Variants in TMEM38B observed in about 807,000 individuals in gnomAD.
The protein encoded by TMEM38B is transmembrane protein 38B, also known as trimeric intracellular cation channel type B.
Under a neutral mutation model 28.7 loss-of-function variants are expected in TMEM38B, and 24 were observed. That is an observed-to-expected ratio of 0.84 (90% CI 0.61 to 1.18). The LOEUF (loss-of-function observed/expected upper bound fraction) is 1.18, where lower values mean the gene tolerates loss of function less well. Ranked by LOEUF, TMEM38B falls within the 50% of genes most tolerant of loss-of-function variation. The pLI is 0.00. For missense variants in TMEM38B, 380 were observed against 350.9 expected, an observed-to-expected ratio of 1.08 and a Z score of -0.66; for synonymous variants, 131 against 127.7, an observed-to-expected ratio of 1.03 and a Z score of -0.17.
At chr9:105,772,312 C>A (rs1826573942) in intron 5 of TMEM38B, among the ~76,000 whole-genome samples, 1 of 152,140 alleles carries the variant, frequency 6.6e-6, no homozygotes, top group South Asian at 2.1e-4. Flanking sequence ...CATGCGACAT[C>A]CTCCTCTTTG....
At chr9:105,769,403 C>G (rs1826473557) in intron 5 of TMEM38B, among the ~76,000 whole-genome samples, 1 of 152,158 alleles carries the variant, frequency 6.6e-6, no homozygotes, top group Admixed American at 6.5e-5. Context: ...GCAGCCTTGA[C>G]TTCCCAGGCT....
chr9:105,727,407 C>T (rs1014672754), intron 4 of TMEM38B, among the ~76,000 whole-genome samples: 4 of 152,234 alleles, frequency 2.6e-5, no homozygotes, highest in African/African-American at 7.2e-5. Context: ...CTTTATAAGG[C>T]TAAATAGTAT....
At chr9:105,703,735 C>A (rs1835538418) in intron 1 of TMEM38B, among the ~76,000 whole-genome samples, 1 of 151,794 alleles carries the variant, frequency 6.6e-6, no homozygotes, top group African/African-American at 2.4e-5. Context: ...TTAATGATTG[C>A]CATTCTAAGT....
rs774533828 is a variant in TMEM38B, at chr9:105,705,721, C to G, written c.237C>G (p.Asn79Lys). ...LAEPPLKFLANHTNILLASSI... is the reference protein window; with the variant it reads ...LAEPPLKFLAKHTNILLASSI... The stretch of plus-strand genomic sequence containing the variant: ...AGCCTCCATTGAAGTTTCTTGCAAA[C>G]CACACTAACATATTACTGGCATCTT... The change falls in exon 2 of 6, where the codon AAC (asparagine) becomes AAG (lysine). Residue 79 changes from asparagine (N) to lysine (K), a missense_variant. Asn to Lys is a moderately conservative substitution (Grantham distance 94). Coordinates refer to ENST00000374692, the MANE Select transcript of TMEM38B (RefSeq NM_018112.3). The G allele has an allele frequency of 6.2e-7, 1 of 1,613,786 alleles. No individual in the cohort carries two copies. The highest frequency in any genetic ancestry group is 8.5e-7 in the Non-Finnish European group (1 of 1,180,002).
chr9:105,730,253 G>T (rs1461400016), intron 4 of TMEM38B, among the ~76,000 whole-genome samples: 2 of 152,096 alleles, frequency 1.3e-5, no homozygotes, highest in Admixed American at 1.3e-4. Flanking sequence ...ATACGTTTCA[G>T]CAATACCTAG....
At chr9:105,750,885 G>T (rs1215216607) in intron 5 of TMEM38B, among the ~76,000 whole-genome samples, 1 of 152,142 alleles carries the variant, frequency 6.6e-6, no homozygotes. Flanking sequence ...ACTATTTATT[G>T]TAAAAACCGT....
At chr9:105,737,734 G>A (rs1275609420) in intron 4 of TMEM38B, among the ~76,000 whole-genome samples, 1 of 152,216 alleles carries the variant, frequency 6.6e-6, no homozygotes, top group Non-Finnish European at 1.5e-5. Flanking sequence ...TCAACTGCTT[G>A]GCTAGACCAG....
At chr9:105,713,616 T>A (rs1835987032) in intron 2 of TMEM38B, among the ~76,000 whole-genome samples, 1 of 151,996 alleles carries the variant, frequency 6.6e-6, no homozygotes, top group Admixed American at 6.5e-5. Flanking sequence ...GCCAACAGCC[T>A]GGACATGATG....
chr9:105,742,924 T>C (rs949686666), intron 4 of TMEM38B, among the ~76,000 whole-genome samples: 1 of 152,210 alleles, frequency 6.6e-6, no homozygotes, highest in Non-Finnish European at 1.5e-5. Context: ...TTGGGAATGT[T>C]GTAAAACTTT....
chr9:105,721,075 A>G (rs1398583407), intron 2 of TMEM38B, among the ~76,000 whole-genome samples: 1 of 152,146 alleles, frequency 6.6e-6, no homozygotes, highest in Non-Finnish European at 1.5e-5. Flanking sequence ...ACAGTGGGGC[A>G]CAGGTGAATA....
At chr9:105,753,601 CA>C (rs1394498931) in intron 5 of TMEM38B, among the ~76,000 whole-genome samples, 3 of 152,154 alleles carry the variant, frequency 2.0e-5, no homozygotes, top group Non-Finnish European at 4.4e-5. Flanking sequence ...AGATCCTTTT[CA>C]GACAAGCAAA....
intron 4 of TMEM38B, among the ~76,000 whole-genome samples, chr9:105,727,178 T>G (rs1433907688): frequency 6.6e-6 from 1 of 152,192 alleles, no homozygotes; most frequent in Non-Finnish European, 1.5e-5. Flanking sequence ...TCATCCTACA[T>G]GTGTGCTTCT....
chr9:105,715,644 A>C (rs1448152407), intron 2 of TMEM38B, among the ~76,000 whole-genome samples: 1 of 151,738 alleles, frequency 6.6e-6, no homozygotes, highest in South Asian at 2.1e-4. Flanking sequence ...TTCTTTGAAG[A>C]CACTATCTGT....
intron 2 of TMEM38B, among the ~76,000 whole-genome samples, chr9:105,711,949 T>C (rs2133563519): frequency 6.6e-6 from 1 of 152,038 alleles, no homozygotes; most frequent in South Asian, 2.1e-4. Flanking sequence ...GGAGACGGAG[T>C]CTTGCTCTGT....
intron 5 of TMEM38B, among the ~76,000 whole-genome samples, chr9:105,749,563 C>T (rs190280617): frequency 8.5e-5 from 13 of 152,130 alleles, no homozygotes; most frequent in Non-Finnish European, 1.6e-4. Context: ...ATGGTTTGAG[C>T]CAAACCATAT....
chr9:105,769,255 A>G (rs949086503), intron 5 of TMEM38B, among the ~76,000 whole-genome samples: 3 of 152,232 alleles, frequency 2.0e-5, no homozygotes, highest in African/African-American at 7.2e-5. Context: ...AGAAACATTA[A>G]TTAAAATAAC....
intron 5 of TMEM38B, among the ~76,000 whole-genome samples, chr9:105,770,854 T>G (rs538971222): frequency 6.6e-6 from 1 of 152,342 alleles, no homozygotes; most frequent in East Asian, 1.9e-4. Flanking sequence ...CAAATTTTTC[T>G]TTTATAGATA....
At chr9:105,766,090 T>G (rs1826362746) in intron 5 of TMEM38B, among the ~76,000 whole-genome samples, 1 of 152,212 alleles carries the variant, frequency 6.6e-6, no homozygotes, top group Admixed American at 6.5e-5. Flanking sequence ...TGAGCCACTG[T>G]GCCCAGCCAG....
intron 5 of TMEM38B, chr9:105,759,379 AAAG>A (rs1389052476): frequency 2.8e-6 from 4 of 1,417,318 alleles, no homozygotes; most frequent in South Asian, 1.2e-5. Context: ...CATAGAGAAA[AAAG>A]AAGAATAAGA....
Sources: gnomAD v4.1 joint callset for allele counts (sites outside exome capture counted in the v4.1 genomes callset) on GRCh38, gnomAD v4.1.1 for gene constraint, MANE v1.5 for transcripts, NCBI Gene and HGNC (gene_info 2026-07-23, HGNC 2026-07-21) for gene names.